Variants in KSR2 observed in about 807,000 individuals in gnomAD.
KSR2 encodes the protein kinase suppressor of ras 2.
A neutral mutation model predicts 107.8 loss-of-function variants in KSR2; 25 were observed. The observed-to-expected ratio is 0.23, with a 90% confidence interval of 0.17 to 0.32. The LOEUF is 0.32. Ranked by LOEUF, KSR2 falls within the 10% of genes least tolerant of loss-of-function variation. KSR2 has a pLI of 1.00. For missense variants in KSR2, 887 were observed against 1,268.9 expected (o/e 0.70, Z 4.57); for synonymous variants, 480 against 507.0 (o/e 0.95, Z 0.71).
intron 1 of KSR2, among the ~76,000 whole-genome samples, chr12:117,939,127 A>G (rs1394552137): frequency 2.0e-5 from 3 of 152,238 alleles, no homozygotes; most frequent in African/African-American, 7.2e-5. Flanking sequence ...TTCAATAAAT[A>G]CAGTCCTCTT....
intron 4 of KSR2, among the ~76,000 whole-genome samples, chr12:117,720,604 G>T (rs1017669412): frequency 3.9e-5 from 6 of 152,224 alleles, no homozygotes; most frequent in African/African-American, 1.4e-4. Flanking sequence ...GTGCTTGTGT[G>T]CCAGGCAATG....
At chr12:117,725,347 A>T (rs1244213639) in intron 4 of KSR2, among the ~76,000 whole-genome samples, 1 of 152,190 alleles carries the variant, frequency 6.6e-6, no homozygotes. Flanking sequence ...CTAGTAGATC[A>T]ATGGAACAGA....
At chr12:117,772,700 C>G (rs1262343391) in intron 3 of KSR2, among the ~76,000 whole-genome samples, 2 of 150,782 alleles carry the variant, frequency 1.3e-5, no homozygotes, top group Admixed American at 1.3e-4. Context: ...CACCATTCCC[C>G]CAAAGATGCA....
chr12:117,911,507 A>C (rs1051708300), intron 1 of KSR2, among the ~76,000 whole-genome samples: 1 of 152,248 alleles, frequency 6.6e-6, no homozygotes, highest in African/African-American at 2.4e-5. Flanking sequence ...TATTGCCATA[A>C]ATCACTGAAG....
chr12:117,817,954 A>G (rs1267453990), intron 3 of KSR2, among the ~76,000 whole-genome samples: 1 of 152,128 alleles, frequency 6.6e-6, no homozygotes, highest in Non-Finnish European at 1.5e-5. Context: ...TACAAAAATT[A>G]GCCAGGCGTG....
Position 117,460,105 on chromosome 12 carries a change from A to G in KSR2, c.*7094T>C, listed in dbSNP as rs1870816540. 1 of 152,230 alleles carries G rather than the reference A, an allele frequency of 6.6e-6. No homozygotes were observed. The highest frequency in any genetic ancestry group is 1.5e-5 in the Non-Finnish European group (1 of 68,042). The allele number at this position is 152,230 out of a possible 1,614,324, so 9.4% of individuals were successfully genotyped here. A position where few individuals can be genotyped will look rare whatever the true frequency, so the allele number is the denominator to read the frequency against. On this transcript the variant is annotated 3_prime_UTR_variant, in exon 20 of 20. Transcript: ENST00000339824. ...GCATGCTTGTCCCAGGACCCTTTCAATAATGCAAATCCGGCGAGTTTTCCA... is the reference window on the plus strand; with the variant it reads ...GCATGCTTGTCCCAGGACCCTTTCAGTAATGCAAATCCGGCGAGTTTTCCA...
intron 1 of KSR2, among the ~76,000 whole-genome samples, chr12:117,905,142 A>G (rs559978595): frequency 6.6e-6 from 1 of 152,322 alleles, no homozygotes; most frequent in African/African-American, 2.4e-5. Flanking sequence ...AGATCACACC[A>G]CTGCACTCCA....
At chr12:117,862,231 T>G (rs979367004) in intron 1 of KSR2, among the ~76,000 whole-genome samples, 11 of 152,066 alleles carry the variant, frequency 7.2e-5, no homozygotes, top group African/African-American at 2.7e-4. Context: ...CTGGCCTATA[T>G]TATCATCTTT....
intron 8 of KSR2, among the ~76,000 whole-genome samples, chr12:117,557,159 C>T (rs11611963): frequency 0.24 from 35,873 of 152,046 alleles, 4,395 homozygotes; most frequent in South Asian, 0.32. Context: ...AGAGAGACTC[C>T]ATCTCAAAAA....
chr12:117,652,215 T>C (rs1271453609), intron 5 of KSR2, among the ~76,000 whole-genome samples: 1 of 152,158 alleles, frequency 6.6e-6, no homozygotes, highest in Non-Finnish European at 1.5e-5. Context: ...CAGTGTATAC[T>C]GCTCGGGTGA....
chr12:117,906,617 A>AG (rs1022442162), intron 1 of KSR2, among the ~76,000 whole-genome samples: 1 of 152,094 alleles, frequency 6.6e-6, no homozygotes, highest in African/African-American at 2.4e-5. Context: ...AAAAAAAAAA[A>AG]ACTGCTTGCC....
chr12:117,631,060 A>G (rs191392946), intron 5 of KSR2, among the ~76,000 whole-genome samples: 2 of 152,264 alleles, frequency 1.3e-5, no homozygotes, highest in Admixed American at 1.3e-4. Flanking sequence ...GCTCACACCC[A>G]TAGTCCCAAC....
At chr12:117,757,117 C>A (rs1888826138) in intron 4 of KSR2, among the ~76,000 whole-genome samples, 1 of 151,312 alleles carries the variant, frequency 6.6e-6, no homozygotes, top group Non-Finnish European at 1.5e-5. Context: ...TAAGAACATT[C>A]GTGATCCATG....
At chr12:117,647,264 C>A (rs1175730882) in intron 5 of KSR2, among the ~76,000 whole-genome samples, 1 of 152,206 alleles carries the variant, frequency 6.6e-6, no homozygotes, top group Non-Finnish European at 1.5e-5. Flanking sequence ...CATGCCCTGA[C>A]TTTTAGCAAA....
chr12:117,786,492 C>T (rs1890079114), intron 3 of KSR2, among the ~76,000 whole-genome samples: 1 of 152,032 alleles, frequency 6.6e-6, no homozygotes, highest in Non-Finnish European at 1.5e-5. Context: ...CCACCCTCCA[C>T]CCTTAAGCAG....
intron 3 of KSR2, among the ~76,000 whole-genome samples, chr12:117,794,364 A>C (rs1890505297): frequency 9.2e-6 from 1 of 108,210 alleles, no homozygotes; most frequent in African/African-American, 3.8e-5. Flanking sequence ...CACACACACC[A>C]ACATGCACAC....
chr12:117,576,123 A>G (rs1002946464), intron 7 of KSR2, among the ~76,000 whole-genome samples: 5 of 152,196 alleles, frequency 3.3e-5, no homozygotes, highest in Admixed American at 6.5e-5. Flanking sequence ...AGCAAAGGCT[A>G]CTTCTGAGTT....
chr12:117,966,617 G>GCACA (rs1353712868), intron 1 of KSR2, among the ~76,000 whole-genome samples: 22,913 of 130,158 alleles, frequency 0.18, 1,974 homozygotes, highest in East Asian at 0.25. Context: ...TCTCTCACAC[G>GCACA]CGCACGCACA....
chr12:117,538,792 T>C (rs1413446320), intron 10 of KSR2, among the ~76,000 whole-genome samples: 1 of 152,206 alleles, frequency 6.6e-6, no homozygotes. Flanking sequence ...GATACCATGT[T>C]GAACAAAACA....
Sources: allele counts gnomAD v4.1 joint callset (sites outside exome capture counted in the v4.1 genomes callset), GRCh38; gene constraint gnomAD v4.1.1; transcripts MANE v1.5; gene names NCBI Gene and HGNC (gene_info 2026-07-23, HGNC 2026-07-21).